The following SEPTIN11 variants were observed in gnomAD, a reference collection of about 807,000 sequenced individuals.
SEPTIN11 encodes the protein septin-11.
In SEPTIN11, 25 loss-of-function variants were observed where a neutral mutation model predicts 51.4. That is an observed-to-expected ratio of 0.49 (90% confidence interval 0.35 to 0.68). SEPTIN11 has a LOEUF of 0.68. Among genes scored for constraint, SEPTIN11 ranks in the 30% least tolerant of loss-of-function variants. The pLI is 0.00. For synonymous variants in SEPTIN11, 174 were observed against 184.1 expected, an observed-to-expected ratio of 0.95 and a Z score of 0.44; for missense variants, 381 against 520.8, an observed-to-expected ratio of 0.73 and a Z score of 2.61.
rs140048827 is a variant in SEPTIN11 at position 76,958,131 on chromosome 4, A to G, written c.27+8201A>G. Among the ~76,000 whole-genome samples, 568 of 152,332 alleles carry G rather than the reference A, an allele frequency of 3.7e-3. 4 individuals carry two copies. The highest frequency in any genetic ancestry group is 0.013 in the African/African-American group (535 of 41,574). The stretch of plus-strand genomic sequence containing the variant: ...CCTTCAGATAAATTGGATAAGACGT[A>G]TTGTCTAAGACGTGTGCCTACCTGG... On this transcript the variant is annotated intron_variant, in intron 1 of 9. Coordinates refer to ENST00000264893, the MANE Select transcript of SEPTIN11 (RefSeq NM_018243.4).
chr4:77,033,381 C>G (rs1220359401), intron 9 of SEPTIN11, among the ~76,000 whole-genome samples: 1 of 152,236 alleles, frequency 6.6e-6, no homozygotes, highest in South Asian at 2.1e-4. Flanking sequence ...ACCTGCTATG[C>G]TTCCACCTCC....
At chr4:77,015,091 T>C in intron 5 of SEPTIN11, 74 bp downstream of exon 5, 1 of 1,469,392 alleles carries the variant, frequency 6.8e-7, no homozygotes, top group African/African-American at 1.4e-5. Context: ...GTAGAGTGGC[T>C]GGAGCACTGG....
chr4:77,001,378 C>T (rs994296516), intron 2 of SEPTIN11, among the ~76,000 whole-genome samples: 5 of 150,408 alleles, frequency 3.3e-5, no homozygotes, highest in Admixed American at 2.6e-4. Flanking sequence ...GATGGAGTCT[C>T]TCACTCTGTC....
In SEPTIN11 at chr4:76,973,755, T is replaced by C. The variant is rs1044002163; in HGVS notation, c.28-22670T>C. Among the ~76,000 whole-genome samples the C allele has an allele frequency of 3.9e-5, 6 of 152,346 alleles. No homozygotes were observed. In the South Asian group the frequency reaches 6.2e-4, roughly 16 times the overall value. ...GCTCTAAGAACTTGGGCGAATTTCT[T>C]TGTGTCTCTGTGACTTTGTTTCCAC... On this transcript the variant is annotated intron_variant, in intron 1 of 9. Coordinates refer to ENST00000264893, the MANE Select transcript of SEPTIN11 (RefSeq NM_018243.4).
At chr4:77,005,893 G>A (rs113851051) in intron 3 of SEPTIN11, 97 bp downstream of exon 3, 1 of 1,159,808 alleles carries the variant, frequency 8.6e-7, no homozygotes, top group Non-Finnish European at 1.2e-6. Context: ...GGATTTTTTA[G>A]TTGTGGGGCT....
chr4:77,013,632 C>T lies in SEPTIN11; in HGVS notation c.526-1224C>T, dbSNP rs141997216. On this transcript the variant is annotated intron_variant, in intron 4 of 9. Coordinates refer to ENST00000264893, the MANE Select transcript of SEPTIN11 (RefSeq NM_018243.4). ...GATGTTTTTCTTAGTCTGCAACTTGCTGGAGGAAGCCCAAGCATGGTGAGC... is the reference window on the plus strand; with the variant it reads ...GATGTTTTTCTTAGTCTGCAACTTGTTGGAGGAAGCCCAAGCATGGTGAGC... 6.6e-3 allele frequency among the ~76,000 whole-genome samples: 1,003 copies of T among 152,288 alleles called. 13 individuals carry two copies. The highest frequency in any genetic ancestry group is 0.023 in the African/African-American group (951 of 41,558).
rs530939632 is a variant in SEPTIN11, at chr4:77,026,638, AT to A, written c.954-1989del. Among the ~76,000 whole-genome samples the A allele has an allele frequency of 6.2e-4, 94 of 152,284 alleles. 1 individual carries two copies. Among genetic ancestry groups the A allele is most frequent in the African/African-American group, 2.3e-3 (94 of 41,550 alleles). The stretch of plus-strand genomic sequence containing the variant: ...CCTCTTTTGGAGATCCTTTCTTGAA[AT>A]TGGTGGTCTCTGGAATACACTTTCG... On this transcript the variant is annotated intron_variant, in intron 7 of 9. Transcript: ENST00000264893.
chr4:77,029,781 CAT>C (rs1553979371), intron 8 of SEPTIN11, among the ~76,000 whole-genome samples: 2 of 139,134 alleles, frequency 1.4e-5, no homozygotes, highest in South Asian at 2.2e-4. Flanking sequence ...CACACACACA[CAT>C]ATATATACAC....
intron 7 of SEPTIN11, chr4:77,020,871 T>G: frequency 1.8e-6 from 1 of 557,246 alleles, no homozygotes; most frequent in Non-Finnish European, 3.1e-6. Context: ...ATGTCATTAT[T>G]ATCCACATTT....
intron 4 of SEPTIN11, among the ~76,000 whole-genome samples, chr4:77,013,592 TC>T (rs892921418): frequency 1.6e-4 from 24 of 152,198 alleles, no homozygotes; most frequent in African/African-American, 5.8e-4. Flanking sequence ...TCCAAACATT[TC>T]CCCCACCATC....
intron 8 of SEPTIN11, among the ~76,000 whole-genome samples, chr4:77,029,013 A>G (rs1252667305): frequency 6.6e-6 from 1 of 152,240 alleles, no homozygotes; most frequent in African/African-American, 2.4e-5. Flanking sequence ...GACTAAAACT[A>G]GATCTTAGGT....
intron 1 of SEPTIN11, chr4:76,972,976 C>G (rs1722311907): frequency 1.3e-5 from 2 of 152,026 alleles, no homozygotes; most frequent in South Asian, 4.2e-4. Flanking sequence ...GTAAATGGTG[C>G]CAGGATTGAA....
At chr4:76,972,322 G>A (rs774605672) in intron 1 of SEPTIN11, 6 of 152,170 alleles carry the variant, frequency 3.9e-5, no homozygotes, top group Non-Finnish European at 8.8e-5. Context: ...TAGAAATCTA[G>A]ATCACTCTTC....
intron 7 of SEPTIN11, among the ~76,000 whole-genome samples, chr4:77,025,156 G>A (rs1238944614): frequency 3.3e-5 from 5 of 152,102 alleles, no homozygotes; most frequent in African/African-American, 1.2e-4. Context: ...CTAAAATCTT[G>A]TGAAAAAGGT....
downstream of SEPTIN11, chr4:77,038,992 G>A: frequency 2.1e-6 from 2 of 945,778 alleles, no homozygotes; most frequent in Non-Finnish European, 3.0e-6. Flanking sequence ...TTCACAGCTT[G>A]TTGTAGAGAA....
chr4:76,990,254 G>C (rs1013842834), intron 1 of SEPTIN11, among the ~76,000 whole-genome samples: 1 of 152,126 alleles, frequency 6.6e-6, no homozygotes, highest in South Asian at 2.1e-4. Context: ...GTACTGATTG[G>C]TGTGTTTTTA....
intron 1 of SEPTIN11, among the ~76,000 whole-genome samples, chr4:76,953,211 C>T (rs1721416032): frequency 6.6e-6 from 1 of 152,144 alleles, no homozygotes; most frequent in South Asian, 2.1e-4. Flanking sequence ...ATTTATTAAG[C>T]ACCTGCTATG....
At chr4:77,003,996 C>G (rs993849989) in intron 2 of SEPTIN11, among the ~76,000 whole-genome samples, 1 of 152,018 alleles carries the variant, frequency 6.6e-6, no homozygotes, top group African/African-American at 2.4e-5. Flanking sequence ...AAAGGTATCC[C>G]TAGGGCTAAT....
intron 3 of SEPTIN11, among the ~76,000 whole-genome samples, chr4:77,007,231 G>A (rs1408641597): frequency 6.6e-6 from 1 of 152,178 alleles, no homozygotes; most frequent in East Asian, 1.9e-4. Context: ...AAGAGAGCCG[G>A]GGGTTTCAAT....
Sources: allele counts gnomAD v4.1 joint callset (sites outside exome capture counted in the v4.1 genomes callset), GRCh38; gene constraint gnomAD v4.1.1; transcripts MANE v1.5; gene names NCBI Gene and HGNC (gene_info 2026-07-23, HGNC 2026-07-21).